ESR1: variants seen among roughly 807,000 people sequenced by gnomAD.
ESR1 encodes the protein estrogen receptor.
Under a neutral mutation model 52.7 loss-of-function variants are expected in ESR1, and 12 were observed. The ratio of observed to expected loss-of-function variants is 0.23; its 90% CI spans 0.15 to 0.37. The LOEUF is 0.37. ESR1 is among the 10% of genes least tolerant of loss of function. ESR1 has a pLI of 1.00. For missense variants in ESR1, 584 were observed against 779.7 expected, an observed-to-expected ratio of 0.75 and a Z score of 2.99; for synonymous variants, 305 against 316.8, an observed-to-expected ratio of 0.96 and a Z score of 0.39.
At chr6:151,902,528 T>C (rs1034507312) in intron 3 of ESR1, among the ~76,000 whole-genome samples, 2 of 152,224 alleles carry the variant, frequency 1.3e-5, no homozygotes, top group Non-Finnish European at 2.9e-5. Flanking sequence ...TGTATAGATG[T>C]CAGATATCAT....
intron 4 of ESR1, among the ~76,000 whole-genome samples, chr6:151,963,498 C>T (rs775105795): frequency 6.6e-6 from 1 of 152,142 alleles, no homozygotes; most frequent in Non-Finnish European, 1.5e-5. Context: ...CTCAGATATT[C>T]GTGTCCTTTG....
chr6:151,778,092 G>A (rs532255699), intron 2 of ESR1, among the ~76,000 whole-genome samples: 32 of 152,348 alleles, frequency 2.1e-4, no homozygotes, highest in Non-Finnish European at 3.8e-4. Context: ...TTTAAAAGAA[G>A]TTTCCACTTT....
At chr6:151,873,899 G>A (rs1033182) in intron 2 of ESR1, among the ~76,000 whole-genome samples, 38,926 of 152,122 alleles carry the variant, frequency 0.26, 6,367 homozygotes, top group Middle Eastern at 0.39. Context: ...TTCGATGAGT[G>A]CCTTTAATAA....
At chr6:151,716,898 A>T (rs1781085544) in intron 2 of ESR1, among the ~76,000 whole-genome samples, 2 of 152,192 alleles carry the variant, frequency 1.3e-5, no homozygotes, top group South Asian at 4.1e-4. Flanking sequence ...AAACTCCTGT[A>T]GCTAGTTCGG....
intron 3 of ESR1, among the ~76,000 whole-genome samples, chr6:151,905,658 T>C (rs1797323418): frequency 6.6e-6 from 1 of 152,202 alleles, no homozygotes; most frequent in African/African-American, 2.4e-5. Flanking sequence ...ACTTTTGGTT[T>C]AAAGTAAGAT....
At chr6:151,740,306 T>TG (rs1782993188) in intron 2 of ESR1, among the ~76,000 whole-genome samples, 1 of 147,908 alleles carries the variant, frequency 6.8e-6, no homozygotes, top group Non-Finnish European at 1.5e-5. Flanking sequence ...TTTTTTTTTT[T>TG]TGTATTTTTA....
intron 1 of ESR1, among the ~76,000 whole-genome samples, chr6:151,822,918 G>A (rs1028104703): frequency 3.9e-5 from 6 of 152,264 alleles, no homozygotes; most frequent in African/African-American, 1.2e-4. Flanking sequence ...GAAAAGCATG[G>A]TTAAACGTGT....
chr6:151,887,347 A>G (rs1024525445), intron 3 of ESR1, among the ~76,000 whole-genome samples: 1 of 152,018 alleles, frequency 6.6e-6, no homozygotes, highest in African/African-American at 2.4e-5. Flanking sequence ...AATTCATATA[A>G]TAGATATTTA....
intron 3 of ESR1, among the ~76,000 whole-genome samples, chr6:151,891,223 T>A (rs1441223153): frequency 1.3e-5 from 2 of 152,240 alleles, no homozygotes; most frequent in African/African-American, 4.8e-5. Flanking sequence ...GGTATCTTTA[T>A]GTACCTTTTC....
intron 1 of ESR1, among the ~76,000 whole-genome samples, chr6:151,817,765 G>A (rs1359635468): frequency 6.6e-6 from 1 of 152,174 alleles, no homozygotes; most frequent in African/African-American, 2.4e-5. Flanking sequence ...TTTTTGTTAA[G>A]TGTTTAGATA....
chr6:152,012,486 G>A (rs9340976), intron 5 of ESR1, among the ~76,000 whole-genome samples: 5,693 of 151,900 alleles, frequency 0.037, 292 homozygotes, highest in African/African-American at 0.12. Context: ...AATCATCACC[G>A]GACTCCTAGG....
chr6:151,782,055 A>G (rs1469085378), intron 2 of ESR1, among the ~76,000 whole-genome samples: 1 of 152,226 alleles, frequency 6.6e-6, no homozygotes, highest in Non-Finnish European at 1.5e-5. Flanking sequence ...AGACAGGTCA[A>G]TCATGGAATT....
intron 2 of ESR1, among the ~76,000 whole-genome samples, chr6:151,862,711 C>A (rs1789108053): frequency 6.6e-6 from 1 of 152,104 alleles, no homozygotes; most frequent in South Asian, 2.1e-4. Flanking sequence ...GCTGGGGTAT[C>A]TGAAGACTGA....
At chr6:151,962,997 T>C (rs972349820) in intron 4 of ESR1, among the ~76,000 whole-genome samples, 2 of 152,204 alleles carry the variant, frequency 1.3e-5, no homozygotes, top group African/African-American at 4.8e-5. Flanking sequence ...CTTTTATTTC[T>C]CTGAGGATAT....
intron 4 of ESR1, among the ~76,000 whole-genome samples, chr6:151,996,083 G>A (rs900694773): frequency 3.9e-5 from 6 of 152,158 alleles, no homozygotes; most frequent in Non-Finnish European, 7.4e-5. Flanking sequence ...TTTCATTTGA[G>A]CAGGGCTTTG....
rs190485591 is a variant in ESR1 at position 151,760,947 on chromosome 6, G to A, written c.-70-46896G>A. On this transcript the variant is annotated intron_variant, in intron 2 of 2. Coordinates refer to the ESR1 transcript ENST00000404742. ...TTTTGGAATATTGGAAAATATTTTT[G>A]TGTGCTTATTAGCATACTGATATGT... Among the ~76,000 whole-genome samples, 53 of 152,184 alleles carry A rather than the reference G, an allele frequency of 3.5e-4. 1 individual carries two copies. Among genetic ancestry groups the A allele is most frequent in the African/African-American group, 1.1e-3 (47 of 41,526 alleles).
At chr6:151,895,233 T>G (rs1170659773) in intron 3 of ESR1, among the ~76,000 whole-genome samples, 1 of 152,026 alleles carries the variant, frequency 6.6e-6, no homozygotes, top group East Asian at 1.9e-4. Flanking sequence ...TACTGATTTG[T>G]GTACATTAAT....
intron 4 of ESR1, among the ~76,000 whole-genome samples, chr6:151,998,465 G>A (rs896792663): frequency 3.3e-5 from 5 of 151,856 alleles, no homozygotes; most frequent in African/African-American, 1.2e-4. Context: ...GGGTTCTTTG[G>A]GAAAAGCCAA....
At chr6:151,736,399 G>A (rs1349165240) in intron 2 of ESR1, among the ~76,000 whole-genome samples, 1 of 31,382 alleles carries the variant, frequency 3.2e-5, no homozygotes, top group Non-Finnish European at 7.6e-5. Flanking sequence ...TTGAGATGGA[G>A]TTTCACTCTG....
Sources: allele counts gnomAD v4.1 joint callset (sites outside exome capture counted in the v4.1 genomes callset), GRCh38; gene constraint gnomAD v4.1.1; transcripts MANE v1.5; gene names NCBI Gene and HGNC (gene_info 2026-07-23, HGNC 2026-07-21).